The following PRIM2 variants were observed in gnomAD, a reference collection of about 807,000 sequenced individuals.
PRIM2 encodes DNA primase subunit 2.
Under a neutral mutation model 67.3 loss-of-function variants are expected in PRIM2, and 39 were observed. That is an observed-to-expected ratio of 0.58 (90% CI 0.45 to 0.76). The LOEUF is 0.76. PRIM2 is among the 30% of genes least tolerant of loss of function. The pLI, the probability that PRIM2 is intolerant of heterozygous loss-of-function variation, is 0.00. For missense variants in PRIM2, 398 were observed against 598.7 expected, an observed-to-expected ratio of 0.66 and a Z score of 3.50; for synonymous variants, 143 against 198.7, an observed-to-expected ratio of 0.72 and a Z score of 2.36.
intron 10 of PRIM2, among the ~76,000 whole-genome samples, chr6:57,590,532 G>A (rs1315766148): frequency 2.0e-5 from 3 of 152,268 alleles, no homozygotes; most frequent in South Asian, 4.1e-4. Flanking sequence ...TAAACGTCAC[G>A]GGTAAGGGGA....
chr6:57,304,749 G>A, the PRIM2 span, among the ~76,000 whole-genome samples: 1 of 152,178 alleles, frequency 6.6e-6, no homozygotes, highest in Non-Finnish European at 1.5e-5. Flanking sequence ...TAGGTGAGAT[G>A]CCTAGGTGAG....
the PRIM2 span, among the ~76,000 whole-genome samples, chr6:57,240,106 T>C: frequency 3.6e-3 from 526 of 146,112 alleles, 7 homozygotes; most frequent in East Asian, 0.029. Flanking sequence ...TTTTTTTTTT[T>C]TTTTTTTTTT....
At chr6:57,369,345 A>C (rs940696336) in intron 5 of PRIM2, among the ~76,000 whole-genome samples, 1 of 152,220 alleles carries the variant, frequency 6.6e-6, no homozygotes, top group Non-Finnish European at 1.5e-5. Flanking sequence ...GCAGCATATA[A>C]AACAACATAA....
At chr6:57,401,746 C>A (rs1338426040) in intron 7 of PRIM2, among the ~76,000 whole-genome samples, 4 of 152,128 alleles carry the variant, frequency 2.6e-5, no homozygotes, top group Non-Finnish European at 5.9e-5. Flanking sequence ...TGCAATCAGC[C>A]CAGGATGGAG....
intron 10 of PRIM2, among the ~76,000 whole-genome samples, chr6:57,575,775 T>TTTTG (rs1413445504): frequency 6.6e-6 from 1 of 152,130 alleles, no homozygotes; most frequent in Non-Finnish European, 1.5e-5. Context: ...AATTGTCTGT[T>TTTTG]TTTGTTTGTT....
chr6:57,233,095 C>T, the PRIM2 span, among the ~76,000 whole-genome samples: 1 of 152,144 alleles, frequency 6.6e-6, no homozygotes, highest in Non-Finnish European at 1.5e-5. Flanking sequence ...TACCCACAGA[C>T]ATGTTGGAGT....
chr6:57,560,009 C>T (rs1364174798), intron 10 of PRIM2, among the ~76,000 whole-genome samples: 7 of 152,136 alleles, frequency 4.6e-5, no homozygotes, highest in African/African-American at 1.7e-4. Flanking sequence ...AAGTTTGCTG[C>T]ATTGATTGAC....
intron 11 of PRIM2, among the ~76,000 whole-genome samples, chr6:57,601,977 A>G (rs1301874190): frequency 6.6e-6 from 1 of 152,220 alleles, no homozygotes; most frequent in Admixed American, 6.5e-5. Flanking sequence ...AAATGCCTAT[A>G]CATTCATTAG....
At chr6:57,456,113 C>A (rs1043233931) in intron 7 of PRIM2, among the ~76,000 whole-genome samples, 86 of 152,168 alleles carry the variant, frequency 5.7e-4, no homozygotes, top group African/African-American at 2.1e-3. Context: ...GAATATTGGC[C>A]CCCACTCTCT....
intron 8 of PRIM2, among the ~76,000 whole-genome samples, chr6:57,513,497 C>G (rs1774411322): frequency 6.6e-6 from 1 of 151,628 alleles, no homozygotes; most frequent in African/African-American, 2.4e-5. Flanking sequence ...GAATTTTTCC[C>G]CCTTAAAAAT....
chr6:57,386,956 T>G (rs1770175594), intron 7 of PRIM2, among the ~76,000 whole-genome samples: 1 of 152,208 alleles, frequency 6.6e-6, no homozygotes, highest in South Asian at 2.1e-4. Context: ...AACTGAAAGC[T>G]TATTCTTAAC....
chr6:57,636,099 T>A (rs1777116301), intron 13 of PRIM2, among the ~76,000 whole-genome samples: 1 of 152,136 alleles, frequency 6.6e-6, no homozygotes, highest in Non-Finnish European at 1.5e-5. Context: ...CTTCACAGAA[T>A]TTTCCCATCT....
At chr6:57,307,004 G>A in the PRIM2 span, among the ~76,000 whole-genome samples, 2 of 151,964 alleles carry the variant, frequency 1.3e-5, no homozygotes, top group African/African-American at 4.8e-5. Flanking sequence ...TTCGAGACCA[G>A]CCTAGCCAAC....
the PRIM2 span, among the ~76,000 whole-genome samples, chr6:57,304,309 A>C: frequency 6.6e-6 from 1 of 152,242 alleles, no homozygotes; most frequent in Admixed American, 6.5e-5. Context: ...GTTAAATCAT[A>C]CAAATGAAAT....
Position 57,481,306 on chromosome 6 carries a change from T to G in PRIM2, c.694-26081T>G, listed in dbSNP as rs1475519185. On this transcript the variant is annotated intron_variant, in intron 7 of 13. Transcript: ENST00000615550. Reference sequence around the variant, plus strand: ...CTGGCAACCACTGATGTGTTTTCCATAAATTTTGTCACTCCAGAAATGTTA... The same window carrying G: ...CTGGCAACCACTGATGTGTTTTCCAGAAATTTTGTCACTCCAGAAATGTTA... Among the ~76,000 whole-genome samples the G allele has an allele frequency of 3.9e-5, 6 of 152,248 alleles. No individual in the cohort carries two copies. The South Asian group carries it at 1.2e-3, about 32-fold the overall frequency.
At chr6:57,561,933 CT>C (rs1775640664) in intron 10 of PRIM2, among the ~76,000 whole-genome samples, 1 of 152,056 alleles carries the variant, frequency 6.6e-6, no homozygotes, top group African/African-American at 2.4e-5. Flanking sequence ...ATGTGCGAGT[CT>C]TTTTTTCACT....
the PRIM2 span, among the ~76,000 whole-genome samples, chr6:57,269,223 T>C: frequency 0.08 from 12,114 of 151,390 alleles, 613 homozygotes; most frequent in East Asian, 0.17. Context: ...ACTTCCACAA[T>C]GGTTGAACTA....
intron 5 of PRIM2, among the ~76,000 whole-genome samples, chr6:57,327,824 C>T (rs1215680637): frequency 6.6e-6 from 1 of 152,148 alleles, no homozygotes; most frequent in Non-Finnish European, 1.5e-5. Context: ...ACCTTTTTGG[C>T]ACCAGGGACT....
rs111267997 is a variant in PRIM2 at position 57,458,603 on chromosome 6, T to C, written c.694-48784T>C. Among the ~76,000 whole-genome samples, 69 of 152,236 alleles carry C rather than the reference T, an allele frequency of 4.5e-4. 1 individual carries two copies. The highest frequency in any genetic ancestry group is 1.3e-3 in the African/African-American group (52 of 41,542). On this transcript the variant is annotated intron_variant, in intron 7 of 13. Coordinates refer to ENST00000615550, the MANE Select transcript of PRIM2 (RefSeq NM_000947.5). ...TGGAGGCTGAGGAAGGCGAATTCCT[T>C]GAACTGGGGAGGCAGAAGTTGCAGT...
Sources: gnomAD v4.1 joint callset for allele counts (sites outside exome capture counted in the v4.1 genomes callset) on GRCh38, gnomAD v4.1.1 for gene constraint, MANE v1.5 for transcripts, NCBI Gene and HGNC (gene_info 2026-07-23, HGNC 2026-07-21) for gene names.